Variants in CUX1 observed in about 807,000 individuals in gnomAD.
CUX1 encodes the protein protein CASP.
A neutral mutation model predicts 158.8 loss-of-function variants in CUX1; 31 were observed. That is an observed-to-expected ratio of 0.20 (90% CI 0.15 to 0.26). The LOEUF (loss-of-function observed/expected upper bound fraction) is 0.26. Among genes scored for constraint, CUX1 ranks in the 10% least tolerant of loss-of-function variants. The probability of loss-of-function intolerance (pLI) is 1.00; values close to 1 mark genes in which losing one functional copy is unlikely to be tolerated. For synonymous variants in CUX1, 879 were observed against 862.1 expected (o/e 1.02, Z -0.34); for missense variants, 1,589 against 2,014.6 (o/e 0.79, Z 4.04).
chr7:101,861,820 G>A (rs1477165475), intron 1 of CUX1, among the ~76,000 whole-genome samples: 4 of 150,384 alleles, frequency 2.7e-5, no homozygotes, highest in East Asian at 2.0e-4. Flanking sequence ...GCTGGAGTGC[G>A]GTGGCACGAT....
intron 3 of CUX1, among the ~76,000 whole-genome samples, chr7:102,029,336 G>C (rs370086537): frequency 6.6e-6 from 1 of 152,076 alleles, no homozygotes; most frequent in African/African-American, 2.4e-5. Context: ...GGGAACACAT[G>C]GGGGAAGGGA....
At chr7:102,217,727 T>C (rs1421012851) in intron 20 of CUX1, among the ~76,000 whole-genome samples, 9 of 101,370 alleles carry the variant, frequency 8.9e-5, no homozygotes, top group Admixed American at 2.1e-4. Flanking sequence ...TGGATGGACG[T>C]GATGGTGTCT....
chr7:101,918,437 T>A (rs1248974928), intron 2 of CUX1, among the ~76,000 whole-genome samples: 1 of 152,238 alleles, frequency 6.6e-6, no homozygotes, highest in African/African-American at 2.4e-5. Flanking sequence ...TTTTAGACTC[T>A]GTCTTCATGG....
chr7:102,171,934 C>T (rs104933), intron 10 of CUX1, among the ~76,000 whole-genome samples: 10,147 of 152,246 alleles, frequency 0.067, 394 homozygotes, highest in African/African-American at 0.084. Flanking sequence ...AAGCCCTTGC[C>T]GTATGCTAGG....
In CUX1 at chr7:101,877,772, GT is replaced by G. The variant is rs1421735903; in HGVS notation, c.31-38342del. ...TCCCTCCAATTGTGTGTGTGTGTGTGTGTGTGTGTGTGTGTGTGTGTGTGTG... is the reference window on the plus strand; with the variant it reads ...TCCCTCCAATTGTGTGTGTGTGTGTGGTGTGTGTGTGTGTGTGTGTGTGTG... On this transcript the variant is annotated intron_variant, in intron 1 of 23. Coordinates refer to ENST00000292535, the MANE Select transcript of CUX1 (RefSeq NM_181552.4). 7.7e-3 allele frequency among the ~76,000 whole-genome samples: 805 copies of G among 104,078 alleles called. 12 individuals are homozygous for G. Among genetic ancestry groups the G allele is most frequent in the African/African-American group, 0.028 (752 of 26,498 alleles). 68.3% of individuals were successfully genotyped at this position (104,078 alleles called of 152,430 possible). A position where few individuals can be genotyped will look rare whatever the true frequency, so the allele number is the denominator to read the frequency against.
At chr7:102,066,823 A>G (rs966161855) in intron 3 of CUX1, among the ~76,000 whole-genome samples, 1 of 152,356 alleles carries the variant, frequency 6.6e-6, no homozygotes, top group South Asian at 2.1e-4. Flanking sequence ...GCTTAGGTAC[A>G]GTTGAAACAG....
intron 1 of CUX1, among the ~76,000 whole-genome samples, chr7:101,837,490 T>C (rs2131108127): frequency 6.6e-6 from 1 of 152,248 alleles, no homozygotes; most frequent in Middle Eastern, 3.4e-3. Flanking sequence ...CACTATAATT[T>C]TAAATGTTTA....
chr7:102,115,885 G>A (rs1488086384), intron 8 of CUX1, among the ~76,000 whole-genome samples: 1 of 152,128 alleles, frequency 6.6e-6, no homozygotes, highest in Non-Finnish European at 1.5e-5. Flanking sequence ...ATGAAAAGAT[G>A]AAGAAATGGC....
chr7:102,255,728 T>C lies in CUX1; in HGVS notation c.*6686T>C. 1 of 985,410 alleles carries C rather than the reference T, an allele frequency of 1.0e-6. No individual in the cohort carries two copies. The allele number at this position is 985,410 out of a possible 1,614,324, so 61.0% of individuals were successfully genotyped here. Reference sequence around the variant, plus strand: ...GTGTGTACGGAAGCATTGGGACTTCTGCTGGTGAAACAAGAGACCATTCAG... The same window carrying C: ...GTGTGTACGGAAGCATTGGGACTTCCGCTGGTGAAACAAGAGACCATTCAG... On this transcript the variant is annotated 3_prime_UTR_variant, in exon 24 of 24. Coordinates refer to ENST00000292535, the MANE Select transcript of CUX1 (RefSeq NM_181552.4).
intron 10 of CUX1, among the ~76,000 whole-genome samples, chr7:102,173,025 T>G (rs983484437): frequency 6.6e-6 from 1 of 152,050 alleles, no homozygotes; most frequent in Admixed American, 6.6e-5. Flanking sequence ...TGTGCCACTG[T>G]GCTCCAACCT....
intron 9 of CUX1, among the ~76,000 whole-genome samples, chr7:102,167,136 C>T (rs538909808): frequency 6.6e-6 from 1 of 151,942 alleles, no homozygotes; most frequent in African/African-American, 2.4e-5. Context: ...GGCGTGATGG[C>T]GGGCATCTGT....
intron 15 of CUX1, 54 bp downstream of exon 15, chr7:102,197,359 C>T: frequency 1.9e-6 from 3 of 1,568,504 alleles, no homozygotes; most frequent in Non-Finnish European, 2.6e-6. Flanking sequence ...CAGAGTTGCA[C>T]ATGTGTGTGT....
chr7:102,129,735 A>T (rs1244338994), intron 8 of CUX1, among the ~76,000 whole-genome samples: 2 of 152,186 alleles, frequency 1.3e-5, no homozygotes, highest in Non-Finnish European at 2.9e-5. Flanking sequence ...ACTGTCTTCT[A>T]TGTGCCACAT....
At chr7:102,128,118 G>A (rs146723917) in intron 8 of CUX1, among the ~76,000 whole-genome samples, 2,312 of 152,300 alleles carry the variant, frequency 0.015, 47 homozygotes, top group African/African-American at 0.051. Flanking sequence ...GATTACAGGC[G>A]TGAGCCACCA....
intron 11 of CUX1, among the ~76,000 whole-genome samples, chr7:102,180,513 A>G (rs1792915130): frequency 6.6e-6 from 1 of 151,432 alleles, no homozygotes; most frequent in Admixed American, 6.6e-5. Context: ...TTTTGTGGAG[A>G]TGGGATTTCA....
Position 102,249,239 on chromosome 7 carries a change from GCGGCCCAGACCCAC to G in CUX1, c.*198_*211del. ...CGACCCGAGGCCCAGATCCAAGGCC[GCGGCCCAGACCCAC>G]TCTGCGGCCCGGGCCGACCCTGCGG... On this transcript the variant is annotated 3_prime_UTR_variant, in exon 24 of 24. Transcript: ENST00000292535. 9.2e-7 allele frequency: 1 copy of G among 1,087,302 alleles called. No homozygotes were observed. The highest frequency in any genetic ancestry group is 1.1e-6 in the Non-Finnish European group (1 of 894,638). The allele number at this position is 1,087,302 out of a possible 1,614,324, so 67.4% of individuals were successfully genotyped here.
intron 8 of CUX1, among the ~76,000 whole-genome samples, chr7:102,153,203 A>G (rs1554504060): frequency 6.6e-6 from 1 of 152,208 alleles, no homozygotes; most frequent in African/African-American, 2.4e-5. Flanking sequence ...TGCACTTTCC[A>G]GGAGGTGCCC....
At chr7:101,917,030 C>A (rs189789647) in intron 2 of CUX1, among the ~76,000 whole-genome samples, 116 of 152,320 alleles carry the variant, frequency 7.6e-4, no homozygotes, top group Non-Finnish European at 1.5e-3. Flanking sequence ...GGACCCCAGC[C>A]TCTCTTACAT....
At chr7:102,019,920 A>G (rs544729042) in intron 2 of CUX1, among the ~76,000 whole-genome samples, 1 of 152,332 alleles carries the variant, frequency 6.6e-6, no homozygotes, top group South Asian at 2.1e-4. Flanking sequence ...ATATTGTGGT[A>G]ATTACATGTT....
Sources: allele counts gnomAD v4.1 joint callset (sites outside exome capture counted in the v4.1 genomes callset), GRCh38; gene constraint gnomAD v4.1.1; transcripts MANE v1.5; gene names NCBI Gene and HGNC (gene_info 2026-07-23, HGNC 2026-07-21).